The following NLGN1 variants were observed in gnomAD, a reference collection of about 807,000 sequenced individuals.
NLGN1 encodes the protein neuroligin-1.
NLGN1 carries 12 observed loss-of-function variants against 65.5 expected under a neutral mutation model. That is an observed-to-expected ratio of 0.18 (90% confidence interval 0.12 to 0.30). NLGN1 has a LOEUF of 0.30. NLGN1 is among the 10% of genes least tolerant of loss of function. The probability of loss-of-function intolerance (pLI) is 1.00; values close to 1 mark genes in which losing one functional copy is unlikely to be tolerated. For missense variants in NLGN1, 750 were observed against 1,007.1 expected (o/e 0.74, Z 3.46); for synonymous variants, 350 against 359.5 (o/e 0.97, Z 0.30).
intron 4 of NLGN1, among the ~76,000 whole-genome samples, chr3:174,078,988 A>G (rs895234144): frequency 6.6e-6 from 1 of 151,958 alleles, no homozygotes; most frequent in African/African-American, 2.4e-5. Context: ...AAGTACCGTA[A>G]TACAACGGTG....
intron 4 of NLGN1, among the ~76,000 whole-genome samples, chr3:174,271,629 A>T (rs1749420386): frequency 6.6e-6 from 1 of 151,732 alleles, no homozygotes; most frequent in Admixed American, 6.6e-5. Flanking sequence ...AGCACTTGAG[A>T]CTAACTCTAG....
rs555938208 is a variant in NLGN1, at chr3:173,998,212, C to T, written c.646+190380C>T. Reference sequence around the variant, plus strand: ...CATCCTAGACAACCTGCTTTCAAAGCAGTCATTCTGTTCACCTCATCCATT... The same window carrying T: ...CATCCTAGACAACCTGCTTTCAAAGTAGTCATTCTGTTCACCTCATCCATT... On this transcript the variant is annotated intron_variant, in intron 4 of 6. Transcript: ENST00000457714. Among the ~76,000 whole-genome samples the T allele has an allele frequency of 2.0e-5, 3 of 152,290 alleles. No homozygotes were observed. The East Asian group carries it at 5.8e-4, about 29-fold the overall frequency.
chr3:173,538,110 A>G (rs1396099001), intron 2 of NLGN1, among the ~76,000 whole-genome samples: 1 of 152,220 alleles, frequency 6.6e-6, no homozygotes, highest in Non-Finnish European at 1.5e-5. Flanking sequence ...GTGGTGTAAT[A>G]GTGACTGGTA....
At chr3:173,941,967 G>A (rs1468323770) in intron 4 of NLGN1, among the ~76,000 whole-genome samples, 2 of 151,450 alleles carry the variant, frequency 1.3e-5, no homozygotes, top group Non-Finnish European at 2.9e-5. Context: ...GATGCTATGG[G>A]GCACTGGCTG....
intron 2 of NLGN1, among the ~76,000 whole-genome samples, chr3:173,472,806 A>C (rs1725523911): frequency 1.3e-5 from 2 of 152,264 alleles, no homozygotes; most frequent in South Asian, 4.1e-4. Context: ...TGTCGACCTA[A>C]AAAAGAATTG....
chr3:173,786,287 C>T (rs947566277), intron 3 of NLGN1, among the ~76,000 whole-genome samples: 35 of 151,964 alleles, frequency 2.3e-4, no homozygotes, highest in African/African-American at 8.5e-4. Context: ...TTGAAATTGC[C>T]CTGAATATCC....
chr3:173,419,020 CTTTTTTTTTTTTTTTTTTTTTTTTT>C (rs59051811), intron 1 of NLGN1, among the ~76,000 whole-genome samples: 1 of 12,262 alleles, frequency 8.2e-5, no homozygotes, highest in Non-Finnish European at 1.4e-4. Flanking sequence ...TCTTCTTCTT[CTTTTTTTTTTTTTTTTTTTTTTTTT>C]TTTTTTTTTG....
intron 2 of NLGN1, among the ~76,000 whole-genome samples, chr3:173,566,927 A>G (rs927432935): frequency 4.6e-5 from 7 of 152,162 alleles, no homozygotes; most frequent in African/African-American, 7.2e-5. Context: ...TTTATCCTCT[A>G]TCAGTTCAGT....
chr3:174,202,008 C>T (rs1303232187), intron 4 of NLGN1, among the ~76,000 whole-genome samples: 1 of 151,900 alleles, frequency 6.6e-6, no homozygotes, highest in Non-Finnish European at 1.5e-5. Context: ...GCTTTCCTCT[C>T]TTCCCATTTC....
At chr3:174,246,682 G>A (rs1743847502) in intron 4 of NLGN1, among the ~76,000 whole-genome samples, 2 of 152,032 alleles carry the variant, frequency 1.3e-5, no homozygotes, top group Non-Finnish European at 2.9e-5. Context: ...GCCTCCCAAA[G>A]CGTTGTGATT....
chr3:174,097,010 G>A (rs146026729), intron 4 of NLGN1, among the ~76,000 whole-genome samples: 9 of 151,700 alleles, frequency 5.9e-5, no homozygotes, highest in African/African-American at 1.9e-4. Flanking sequence ...TTTAACTAAT[G>A]GCTTGTGGCT....
chr3:173,904,492 A>T (rs1737970358), intron 4 of NLGN1, among the ~76,000 whole-genome samples: 1 of 150,742 alleles, frequency 6.6e-6, no homozygotes, highest in South Asian at 2.1e-4. Context: ...ACTTTTGCTT[A>T]TATGTGAAGA....
At chr3:174,189,905 G>T (rs1028376717) in intron 4 of NLGN1, among the ~76,000 whole-genome samples, 10 of 151,864 alleles carry the variant, frequency 6.6e-5, no homozygotes, top group African/African-American at 2.4e-4. Context: ...TGCCCTCCAG[G>T]GCCATTTTTG....
At chr3:173,650,871 C>A (rs1441312802) in intron 3 of NLGN1, among the ~76,000 whole-genome samples, 4 of 151,344 alleles carry the variant, frequency 2.6e-5, no homozygotes, top group African/African-American at 7.3e-5. Context: ...TTTGGCAGGA[C>A]TGCTACTGCC....
intron 3 of NLGN1, among the ~76,000 whole-genome samples, chr3:173,640,793 A>G (rs904016076): frequency 6.6e-6 from 1 of 152,188 alleles, no homozygotes; most frequent in South Asian, 2.1e-4. Flanking sequence ...CGTTGCTTAC[A>G]ATAATTCACA....
At chr3:173,502,667 A>G (rs1731344697) in intron 2 of NLGN1, among the ~76,000 whole-genome samples, 1 of 152,164 alleles carries the variant, frequency 6.6e-6, no homozygotes, top group African/African-American at 2.4e-5. Context: ...AGGTACTACA[A>G]GACATGTATT....
At chr3:173,407,293 T>A (rs148084898) in intron 1 of NLGN1, among the ~76,000 whole-genome samples, 151 of 152,332 alleles carry the variant, frequency 9.9e-4, no homozygotes, top group African/African-American at 3.2e-3. Context: ...TCTTTCCAGC[T>A]GAAAAGCTGA....
chr3:174,095,954 C>T (rs1158661740), intron 4 of NLGN1, among the ~76,000 whole-genome samples: 3 of 151,842 alleles, frequency 2.0e-5, no homozygotes, highest in Non-Finnish European at 2.9e-5. Flanking sequence ...GAGCCAAGAT[C>T]GCGCCACTGC....
At chr3:173,704,253 GT>G (rs903255599) in intron 3 of NLGN1, among the ~76,000 whole-genome samples, 21 of 152,112 alleles carry the variant, frequency 1.4e-4, no homozygotes, top group African/African-American at 4.8e-4. Flanking sequence ...AAATAATTAT[GT>G]TCTCAATTAT....
Sources: gnomAD v4.1 joint callset for allele counts (sites outside exome capture counted in the v4.1 genomes callset) on GRCh38, gnomAD v4.1.1 for gene constraint, MANE v1.5 for transcripts, NCBI Gene and HGNC (gene_info 2026-07-23, HGNC 2026-07-21) for gene names.